SARM1: variants seen among roughly 807,000 people sequenced by gnomAD.
SARM1 encodes NAD(+) hydrolase SARM1.
A neutral mutation model predicts 65.1 loss-of-function variants in SARM1; 60 were observed. The observed-to-expected ratio is 0.92, with a 90% CI of 0.75 to 1.14. The LOEUF (loss-of-function observed/expected upper bound fraction) is 1.14, where lower values mean the gene tolerates loss of function less well. SARM1 is among the 50% of genes most tolerant of loss of function. The pLI is 0.00. For synonymous variants in SARM1, 417 were observed against 465.4 expected (o/e 0.90, Z 1.34); for missense variants, 913 against 1,015.7 (o/e 0.90, Z 1.37).
rs2068208809 is a variant in SARM1 at position 28,402,416 on chromosome 17, G to T, written c.*6130G>T. On this transcript the variant is annotated 3_prime_UTR_variant, in exon 9 of 9. Coordinates refer to ENST00000585482, the MANE Select transcript of SARM1 (RefSeq NM_015077.4). ...AGCTCCTATCCATACCCCACGTGGG[G>T]CTTAGGTTAGACCCAGGAAGAACTT... 1 of 1,012,114 alleles carries T rather than the reference G, an allele frequency of 9.9e-7. No homozygotes were observed. Among genetic ancestry groups the T allele is most frequent in the Non-Finnish European group, 1.5e-6 (1 of 665,992 alleles). 62.7% of individuals were successfully genotyped at this position (1,012,114 alleles called of 1,614,324 possible). A position where few individuals can be genotyped will look rare whatever the true frequency, so the allele number is the denominator to read the frequency against.
Position 28,402,384 on chromosome 17 carries a change from G to T in SARM1, c.*6098G>T. On this transcript the variant is annotated 3_prime_UTR_variant, in exon 9 of 9. Transcript: ENST00000585482. ...GGGGAGAGGGGCGTCCAAGGGAAAG[G>T]CAGCAGAGCTCCTATCCATACCCCA... The T allele has an allele frequency of 7.1e-7, 1 of 1,408,798 alleles. No individual in the cohort carries two copies. Among genetic ancestry groups the T allele is most frequent in the Non-Finnish European group, 9.9e-7 (1 of 1,008,664 alleles). 87.3% of individuals were successfully genotyped at this position (1,408,798 alleles called of 1,614,324 possible).
intron 1 of SARM1, among the ~76,000 whole-genome samples, chr17:28,376,686 T>C (rs1199460751): frequency 2.6e-5 from 4 of 152,222 alleles, no homozygotes; most frequent in African/African-American, 9.6e-5. Context: ...CCCAGGCTGG[T>C]CTCAAACTCC....
chr17:28,386,552 G>A (rs1555586033), intron 5 of SARM1: 1 of 152,084 alleles, frequency 6.6e-6, no homozygotes, highest in Admixed American at 6.5e-5. Context: ...GTCTATGAGG[G>A]TTATGTCTAA....
rs2068154314 is a variant in SARM1 at position 28,398,171 on chromosome 17, G to A, written c.*1885G>A. The A allele has an allele frequency of 6.6e-6, 1 of 152,322 alleles. No homozygotes were observed. The highest frequency in any genetic ancestry group is 1.5e-5 in the Non-Finnish European group (1 of 68,120). The allele number at this position is 152,322 out of a possible 1,614,324, so 9.4% of individuals were successfully genotyped here. On this transcript the variant is annotated 3_prime_UTR_variant, in exon 9 of 9. Coordinates refer to ENST00000585482, the MANE Select transcript of SARM1 (RefSeq NM_015077.4). ...CAGTGTCTGAGTATCTCCAGGGGATGATTTCTGGCTCTTTGTCTCCAATCA... is the reference window on the plus strand; with the variant it reads ...CAGTGTCTGAGTATCTCCAGGGGATAATTTCTGGCTCTTTGTCTCCAATCA...
Position 28,399,594 on chromosome 17 carries a change from G to T in SARM1, c.*3308G>T. The T allele has an allele frequency of 6.4e-7, 1 of 1,563,998 alleles. No individual in the cohort carries two copies. The highest frequency in any genetic ancestry group is 1.1e-5 in the South Asian group (1 of 89,538). On this transcript the variant is annotated 3_prime_UTR_variant, in exon 9 of 9. Transcript: ENST00000585482. ...GCTGTGGGCTGGGCTTCCAGCTGCAGACCTCCAGTTGCTTGGTGTTCACTT... is the reference window on the plus strand; with the variant it reads ...GCTGTGGGCTGGGCTTCCAGCTGCATACCTCCAGTTGCTTGGTGTTCACTT...
chr17:28,396,156 G>C lies in SARM1; in HGVS notation c.2046-1G>C. ...AACCACATTGGCTCCTGTGCCCACA[G>C]GTGGTCCCACGAATACCAGGAGGCC... On this transcript the variant is annotated splice_acceptor_variant, in intron 8 of 8. Coordinates refer to ENST00000585482, the MANE Select transcript of SARM1 (RefSeq NM_015077.4). LOFTEE classifies it high-confidence loss of function. The C allele has an allele frequency of 6.2e-7, 1 of 1,613,942 alleles. No homozygotes were observed. The highest frequency in any genetic ancestry group is 8.5e-7 in the Non-Finnish European group (1 of 1,179,864).
chr17:28,374,826 G>C (rs972165267), intron 1 of SARM1, among the ~76,000 whole-genome samples: 1 of 151,910 alleles, frequency 6.6e-6, no homozygotes, highest in East Asian at 1.9e-4. Context: ...AAAATATACA[G>C]ATTAGCCGGG....
At chr17:28,387,954 A>G (rs782254914) in intron 5 of SARM1, 16 of 577,986 alleles carry the variant, frequency 2.8e-5, no homozygotes, top group Admixed American at 6.0e-5. Context: ...CATGCATATC[A>G]ATGTCCCTAG....
rs947556072 is a variant in SARM1, at chr17:28,388,181, A to G, written c.1638A>G (p.Leu546=). The G allele has an allele frequency of 6.5e-7, 1 of 1,549,064 alleles. No homozygotes were observed. The change falls in exon 6 of 9, where the codon CTA becomes CTG. Residue 546 remains leucine (L), a synonymous_variant. Transcript: ENST00000585482. ...GCCTATTGCCCACTTCAGAAATGCTACACTCCCCGCTGCCCTGTACTGGTG... is the reference window on the plus strand; with the variant it reads ...GCCTATTGCCCACTTCAGAAATGCTGCACTCCCCGCTGCCCTGTACTGGTG... ...ARILTAAREM[L]HSPLPCTGGK...
chr17:28,381,446 C>T lies in SARM1; in HGVS notation c.714C>T (p.Gly238=). 2 of 1,547,282 alleles carry T rather than the reference C, an allele frequency of 1.3e-6. No homozygotes were observed. The highest frequency in any genetic ancestry group is 1.7e-6 in the Non-Finnish European group (2 of 1,145,738). Residue 238 remains glycine (G), a synonymous_variant, in exon 2 of 9, where the codon GGC becomes GGT. Coordinates refer to ENST00000585482, the MANE Select transcript of SARM1 (RefSeq NM_015077.4). ...LALGNCALHG[G]QAVQRRMVEK... The stretch of plus-strand genomic sequence containing the variant: ...TGGGCAACTGCGCGCTGCACGGGGG[C>T]CAGGCGGTGCAGCGACGCATGGTAG...
At position 28,375,675 on chromosome 17, in the gene SARM1, TAA is replaced by T. The variant is rs1233798767; in HGVS notation, c.470+3176_470+3177del. 7.3e-5 allele frequency among the ~76,000 whole-genome samples: 11 copies of T among 151,512 alleles called. 1 individual carries two copies. Among genetic ancestry groups the T allele is most frequent in the Non-Finnish European group, 1.6e-4 (11 of 67,934 alleles). On this transcript the variant is annotated intron_variant, in intron 1 of 8. Transcript: ENST00000585482. ...GAAAAGCACACAAAAGGTATACAGT[TAA>T]AAGTTATTCTCAGCCAGGCATGGTG...
Position 28,385,050 on chromosome 17 carries a change from G to T in SARM1, c.1405G>T (p.Glu469Ter). 6.2e-7 allele frequency: 1 copy of T among 1,613,492 alleles called. No homozygotes were observed. Residue 469 changes from glutamate (E) to a stop codon, truncating the protein, a stop_gained, in exon 5 of 9, where the codon GAG (glutamate) becomes TAG (stop). Coordinates refer to ENST00000585482, the MANE Select transcript of SARM1 (RefSeq NM_015077.4). LOFTEE classifies it high-confidence loss of function. This position sits in a 1 kb window ranked among gnomAD's most constrained non-coding sequence, Gnocchi z 4.5. The stretch of plus-strand genomic sequence containing the variant: ...CTCCGTGGGGTGCAGGTTCTTTAGG[G>T]AGCTCACGGAGCTCAAGACCTTCGC... The part of the protein sequence containing the change: ...SGITRKRFFR[E>*]LTELKTFANY...
intron 1 of SARM1, among the ~76,000 whole-genome samples, chr17:28,378,562 T>C (rs2068005574): frequency 6.6e-6 from 1 of 152,264 alleles, no homozygotes; most frequent in Non-Finnish European, 1.5e-5. Context: ...TAGTGCTGTG[T>C]CATATAGCAC....
At chr17:28,381,166 G>T in intron 1 of SARM1, 37 bp from the exon 2 acceptor site, 1 of 1,546,954 alleles carries the variant, frequency 6.5e-7, no homozygotes. Context: ...CCCAAGCTGC[G>T]GCAATTCCAC....
At position 28,399,664 on chromosome 17, in the gene SARM1, T is replaced by A; in HGVS notation, c.*3378T>A. 3 of 1,613,956 alleles carry A rather than the reference T, an allele frequency of 1.9e-6. No individual in the cohort carries two copies. Among genetic ancestry groups the A allele is most frequent in the Non-Finnish European group, 2.5e-6 (3 of 1,179,874 alleles). ...CTTCTGGTCCAGGCAGATCAGGGGC[T>A]CTGGGGAAACTGCTGGAACTCGAGG... On this transcript the variant is annotated 3_prime_UTR_variant, in exon 9 of 9. Coordinates refer to ENST00000585482, the MANE Select transcript of SARM1 (RefSeq NM_015077.4).
chr17:28,400,613 A>G lies in SARM1; in HGVS notation c.*4327A>G, dbSNP rs2068183679. 1 of 1,613,598 alleles carries G rather than the reference A, an allele frequency of 6.2e-7. No individual in the cohort carries two copies. ...TGGGTTCAGGGCCCTGCATTACCCAATCAGAACAGCCGGGATGAGCAGGAG... is the reference window on the plus strand; with the variant it reads ...TGGGTTCAGGGCCCTGCATTACCCAGTCAGAACAGCCGGGATGAGCAGGAG... On this transcript the variant is annotated 3_prime_UTR_variant, in exon 9 of 9. Transcript: ENST00000585482.
At position 28,381,188 on chromosome 17, in the gene SARM1, A is replaced by G. The variant is rs1555585144; in HGVS notation, c.471-15A>G. 2 of 1,574,134 alleles carry G rather than the reference A, an allele frequency of 1.3e-6. No individual in the cohort carries two copies. Among genetic ancestry groups the G allele is most frequent in the Admixed American group, 3.6e-5 (2 of 55,466 alleles). On this transcript the variant is annotated splice_polypyrimidine_tract_variant and intron_variant, in intron 1 of 8. Coordinates refer to ENST00000585482, the MANE Select transcript of SARM1 (RefSeq NM_015077.4). ...TGCGGCAATTCCACTGTCCCCTTCC[A>G]CTTTCACTGGGCAGAGACCGCGTGG...
In SARM1 at chr17:28,381,558, G is replaced by C; in HGVS notation, c.826G>C (p.Val276Leu). 1 of 1,590,956 alleles carries C rather than the reference G, an allele frequency of 6.3e-7. No homozygotes were observed. Among genetic ancestry groups the C allele is most frequent in the Non-Finnish European group, 8.5e-7 (1 of 1,170,044 alleles). ...LRLHACLAVA[V>L]LATNKEVERE... ...GCTGCACGCCTGCCTCGCAGTAGCG[G>C]TGTTGGCGACTAACAAGGAGGTGGA... Residue 276 changes from valine to leucine, a missense_variant, in exon 2 of 9, where the codon GTG becomes CTG. Val to Leu is a conservative substitution (Grantham distance 32, BLOSUM62 1). This residue lies in a region of SARM1 where 862 missense variants were observed against 952.1 expected (regional missense o/e 0.91). Transcript: ENST00000585482.
At position 28,384,557 on chromosome 17, in the gene SARM1, C is replaced by T. The variant is rs781927743; in HGVS notation, c.1290C>T (p.Cys430=). The T allele has an allele frequency of 2.5e-6, 4 of 1,605,804 alleles. No homozygotes were observed. Among genetic ancestry groups the T allele is most frequent in the Non-Finnish European group, 3.4e-6 (4 of 1,176,590 alleles). ...WLQQIGFSKY[C]ESFREQQVDG... ...AGCAGATCGGTTTCTCCAAGTACTG[C>T]GAGAGCTTCCGGGTAGAGTCGCGTG... is the stretch of plus-strand genomic sequence containing the variant. Residue 430 remains cysteine (C), a synonymous_variant, in exon 3 of 9, where the codon TGC becomes TGT. Transcript: ENST00000585482. The surrounding 1 kb of genome is among the most constrained non-coding windows in gnomAD (Gnocchi z 4.4).
Sources: allele counts gnomAD v4.1 joint callset (sites outside exome capture counted in the v4.1 genomes callset), GRCh38; gene constraint gnomAD v4.1.1; regional missense constraint gnomAD v4.1.1; non-coding constraint Gnocchi (gnomAD v3.1); transcripts MANE v1.5; gene names NCBI Gene and HGNC (gene_info 2026-07-23, HGNC 2026-07-21).